KCNH7: variants seen among roughly 807,000 people sequenced by gnomAD.
KCNH7 encodes voltage-gated inwardly rectifying potassium channel KCNH7.
Under a neutral mutation model 120.8 loss-of-function variants are expected in KCNH7, and 49 were observed. That is an observed-to-expected ratio of 0.41 (90% CI 0.32 to 0.51). KCNH7 has a LOEUF of 0.51. Among genes scored for constraint, KCNH7 ranks in the 20% least tolerant of loss-of-function variants. KCNH7 has a pLI of 0.38. For missense variants in KCNH7, 1,097 were observed against 1,446.6 expected (o/e 0.76, Z 3.92); for synonymous variants, 547 against 516.1 (o/e 1.06, Z -0.81).
intron 2 of KCNH7, among the ~76,000 whole-genome samples, chr2:162,667,112 C>T (rs867256214): frequency 1.4e-4 from 21 of 150,904 alleles, no homozygotes; most frequent in African/African-American, 4.6e-4. Flanking sequence ...CTCGACCTCC[C>T]GGGCTCAAGC....
chr2:162,412,554 A>G (rs1687420694), intron 9 of KCNH7, among the ~76,000 whole-genome samples: 1 of 152,170 alleles, frequency 6.6e-6, no homozygotes, highest in Non-Finnish European at 1.5e-5. Context: ...ATGGCCAGCT[A>G]CTGACAAACA....
chr2:162,374,243 C>T (rs1223525367), intron 14 of KCNH7, among the ~76,000 whole-genome samples: 3 of 152,126 alleles, frequency 2.0e-5, no homozygotes, highest in Non-Finnish European at 4.4e-5. Flanking sequence ...TATGTCATGG[C>T]CTTTGGTATG....
At chr2:162,721,007 C>T (rs1341095673) in intron 2 of KCNH7, among the ~76,000 whole-genome samples, 2 of 152,046 alleles carry the variant, frequency 1.3e-5, no homozygotes, top group Non-Finnish European at 2.9e-5. Context: ...AGGTGCGGTG[C>T]TTGCAGATTT....
At chr2:162,695,376 A>G (rs71424741) in intron 2 of KCNH7, among the ~76,000 whole-genome samples, 3,449 of 152,222 alleles carry the variant, frequency 0.023, 70 homozygotes, top group East Asian at 0.11. Flanking sequence ...CCAAATCCCA[A>G]CATCAAGATG....
At chr2:162,519,836 A>C (rs945730180) in intron 3 of KCNH7, among the ~76,000 whole-genome samples, 1 of 151,764 alleles carries the variant, frequency 6.6e-6, no homozygotes, top group East Asian at 2.0e-4. Flanking sequence ...CATAGACACC[A>C]TTATCTTTAA....
intron 2 of KCNH7, among the ~76,000 whole-genome samples, chr2:162,768,741 G>GT (rs1272229056): frequency 2.6e-5 from 4 of 152,200 alleles, no homozygotes; most frequent in Admixed American, 2.6e-4. Context: ...CTTGGAAAGT[G>GT]TGAATGCAGG....
chr2:162,521,331 G>T (rs1298985889), intron 3 of KCNH7, among the ~76,000 whole-genome samples: 2 of 151,802 alleles, frequency 1.3e-5, no homozygotes, highest in Non-Finnish European at 2.9e-5. Context: ...ATATTTAATT[G>T]CTTTGGCCAT....
At chr2:162,529,188 C>G (rs114693578) in intron 3 of KCNH7, among the ~76,000 whole-genome samples, 7 of 151,832 alleles carry the variant, frequency 4.6e-5, no homozygotes, top group African/African-American at 9.7e-5. Context: ...AGGGTCTTTA[C>G]GCTGTAAGTA....
chr2:162,761,013 A>C (rs1201218936), intron 2 of KCNH7, among the ~76,000 whole-genome samples: 1 of 152,138 alleles, frequency 6.6e-6, no homozygotes, highest in Non-Finnish European at 1.5e-5. Context: ...TGCCTTTTAA[A>C]AATGTTCTAC....
At chr2:162,664,732 A>C (rs1685077611) in intron 2 of KCNH7, among the ~76,000 whole-genome samples, 1 of 152,138 alleles carries the variant, frequency 6.6e-6, no homozygotes, top group South Asian at 2.1e-4. Context: ...TTAGGTAGGG[A>C]TGGGCAATAT....
At chr2:162,524,787 A>G (rs553616518) in intron 3 of KCNH7, among the ~76,000 whole-genome samples, 1 of 152,058 alleles carries the variant, frequency 6.6e-6, no homozygotes, top group East Asian at 2.0e-4. Flanking sequence ...CTTTTTAGGA[A>G]GAAAATTTTC....
intron 2 of KCNH7, among the ~76,000 whole-genome samples, chr2:162,825,763 A>C (rs1685260281): frequency 6.6e-6 from 1 of 152,244 alleles, no homozygotes; most frequent in Middle Eastern, 3.4e-3. Context: ...TCATTAAAAA[A>C]ATATGCATGT....
At chr2:162,687,661 T>A (rs1203736430) in intron 2 of KCNH7, among the ~76,000 whole-genome samples, 1 of 152,110 alleles carries the variant, frequency 6.6e-6, no homozygotes, top group African/African-American at 2.4e-5. Context: ...CCCCTGCCCA[T>A]TAGAACATTG....
At chr2:162,554,948 T>C (rs188680304) in intron 2 of KCNH7, among the ~76,000 whole-genome samples, 4 of 152,334 alleles carry the variant, frequency 2.6e-5, no homozygotes, top group South Asian at 2.1e-4. Flanking sequence ...GTAACACTTC[T>C]AGAAAGATAA....
intron 2 of KCNH7, among the ~76,000 whole-genome samples, chr2:162,638,483 T>G (rs1684038145): frequency 6.6e-6 from 1 of 152,036 alleles, no homozygotes; most frequent in African/African-American, 2.4e-5. Context: ...TCTAGCACTG[T>G]TACTGAACCT....
intron 2 of KCNH7, among the ~76,000 whole-genome samples, chr2:162,666,347 C>A (rs56267650): frequency 0.02 from 2,970 of 152,034 alleles, 78 homozygotes; most frequent in East Asian, 0.075. Flanking sequence ...CATACAATCC[C>A]TAATAAATTC....
At chr2:162,418,155 C>T (rs1219221608) in intron 9 of KCNH7, among the ~76,000 whole-genome samples, 2 of 152,108 alleles carry the variant, frequency 1.3e-5, no homozygotes, top group Admixed American at 1.3e-4. Context: ...TTGTGCAAAA[C>T]TATTATTTTA....
At chr2:162,441,392 A>G (rs1688410696) in intron 7 of KCNH7, among the ~76,000 whole-genome samples, 1 of 152,296 alleles carries the variant, frequency 6.6e-6, no homozygotes, top group South Asian at 2.1e-4. Context: ...AATCAAACAT[A>G]TTATTATGAT....
chr2:162,408,203 A>T (rs1048153648), intron 9 of KCNH7, among the ~76,000 whole-genome samples: 38 of 152,134 alleles, frequency 2.5e-4, no homozygotes, highest in Admixed American at 1.1e-3. Flanking sequence ...CATTCATCTA[A>T]TTTTTTGGTT....
Sources: gnomAD v4.1 joint callset for allele counts (sites outside exome capture counted in the v4.1 genomes callset) on GRCh38, gnomAD v4.1.1 for gene constraint, MANE v1.5 for transcripts, NCBI Gene and HGNC (gene_info 2026-07-23, HGNC 2026-07-21) for gene names.